ALDH7A1: variants seen among roughly 807,000 people sequenced by gnomAD.
ALDH7A1 encodes alpha-aminoadipic semialdehyde dehydrogenase.
ALDH7A1 carries 63 observed loss-of-function variants against 79.9 expected under a neutral mutation model. The ratio of observed to expected loss-of-function variants is 0.79; its 90% confidence interval spans 0.64 to 0.97. ALDH7A1 has a LOEUF of 0.97. Ranked by LOEUF, ALDH7A1 falls within the 50% of genes least tolerant of loss-of-function variation. ALDH7A1 has a pLI of 0.00. For synonymous variants in ALDH7A1, 240 were observed against 231.2 expected (o/e 1.04, Z -0.34); for missense variants, 627 against 665.2 (o/e 0.94, Z 0.63).
At chr5:126,593,730 C>T in intron 1 of ALDH7A1, 1 of 431,200 alleles carries the variant, frequency 2.3e-6, no homozygotes, top group East Asian at 4.7e-5. Context: ...GTTATTTCTT[C>T]TCTTCCTTAC....
At chr5:126,572,063 GGT>G (rs1561661139) in intron 7 of ALDH7A1, among the ~76,000 whole-genome samples, 2 of 152,198 alleles carry the variant, frequency 1.3e-5, no homozygotes, top group Admixed American at 1.3e-4. Flanking sequence ...AAATAATTCT[GGT>G]TTCTCTGAAA....
chr5:126,565,275 C>T (rs1209942118), intron 9 of ALDH7A1, among the ~76,000 whole-genome samples: 1 of 151,782 alleles, frequency 6.6e-6, no homozygotes, highest in African/African-American at 2.4e-5. Context: ...TGCCTGTAAT[C>T]CCAGCTACTT....
intron 4 of ALDH7A1, among the ~76,000 whole-genome samples, 198 bp from the exon 5 acceptor site, chr5:126,583,172 A>C (rs1751231591): frequency 6.6e-6 from 1 of 152,252 alleles, no homozygotes. Flanking sequence ...TCCTCTAAGG[A>C]AAGAATTTTT....
In ALDH7A1 at chr5:126,592,689, C is replaced by A. The variant is rs765748549; in HGVS notation, c.287G>T (p.Arg96Ile). The stretch of plus-strand genomic sequence containing the variant: ...ATCTGCCCAGATTTTCCATGCTTCT[C>A]TTGCTTTCTTTACAGTTTCTTCATA... ...ADYEETVKKA[R>I]EAWKIWADIP... is the part of the protein sequence containing the mutation. Residue 96 changes from arginine to isoleucine, a missense_variant, in exon 3 of 18, where the codon AGA (arginine) becomes ATA (isoleucine). Arg to Ile is a moderately conservative substitution (Grantham distance 97). Coordinates refer to ENST00000409134, the MANE Select transcript of ALDH7A1 (RefSeq NM_001182.5). The A allele has an allele frequency of 1.2e-6, 2 of 1,614,094 alleles. No individual in the cohort carries two copies. The highest frequency in any genetic ancestry group is 1.7e-5 in the Admixed American group (1 of 60,012).
intron 3 of ALDH7A1, among the ~76,000 whole-genome samples, chr5:126,585,632 G>A (rs766051272): frequency 4.5e-4 from 69 of 152,102 alleles, no homozygotes; most frequent in Non-Finnish European, 8.7e-4. Context: ...CGCGATCTCG[G>A]CTCAGTGCAA....
At chr5:126,552,947 G>A (rs895008865) in intron 13 of ALDH7A1, among the ~76,000 whole-genome samples, 74 of 151,656 alleles carry the variant, frequency 4.9e-4, no homozygotes, top group African/African-American at 1.8e-3. Flanking sequence ...TCACTATGTT[G>A]TCCAGGTGGG....
At position 126,575,591 on chromosome 5, in the gene ALDH7A1, G is replaced by A. The variant is rs1030220044; in HGVS notation, c.651-127C>T. The A allele has an allele frequency of 2.6e-5, 20 of 767,464 alleles. 1 individual carries two copies. In the African/African-American group the frequency reaches 3.0e-4, roughly 12 times the overall value. The allele number at this position is 767,464 out of a possible 1,614,324, so 47.5% of individuals were successfully genotyped here. On this transcript the variant is annotated intron_variant, in intron 6 of 17. Transcript: ENST00000409134. Reference sequence around the variant, plus strand: ...CTGTCCAATTAGACAACTAACAAGTGAGTCTAGTAACTGAAACAGAAATCT... The same window carrying A: ...CTGTCCAATTAGACAACTAACAAGTAAGTCTAGTAACTGAAACAGAAATCT...
chr5:126,565,503 T>C (rs1413216609), intron 9 of ALDH7A1, among the ~76,000 whole-genome samples: 1 of 151,450 alleles, frequency 6.6e-6, no homozygotes, highest in Admixed American at 6.6e-5. Context: ...TTATATATTC[T>C]ACATACAAGT....
At chr5:126,590,180 C>T (rs1183460814) in intron 3 of ALDH7A1, among the ~76,000 whole-genome samples, 8 of 148,860 alleles carry the variant, frequency 5.4e-5, no homozygotes, top group Non-Finnish European at 6.0e-5. Flanking sequence ...AAGTGAAGAG[C>T]GCCTCTGCCC....
rs2112746422 is a variant in ALDH7A1, at chr5:126,546,466, A to G, written c.1490-67T>C. 6 of 1,458,078 alleles carry G rather than the reference A, an allele frequency of 4.1e-6. No homozygotes were observed. In the East Asian group the frequency reaches 6.9e-5, roughly 17 times the overall value. 90.3% of individuals were successfully genotyped at this position (1,458,078 alleles called of 1,614,324 possible). A position where few individuals can be genotyped will look rare whatever the true frequency, so the allele number is the denominator to read the frequency against. ...CCATGTGGGCTCATAGTTGGTATCA[A>G]TGAAAAGAAGATACCAAAAGGACAC... On this transcript the variant is annotated intron_variant, in intron 16 of 17. Coordinates refer to ENST00000409134, the MANE Select transcript of ALDH7A1 (RefSeq NM_001182.5).
Position 126,555,980 on chromosome 5 carries a change from G to T in ALDH7A1, c.1044C>A (p.Asn348Lys), listed in dbSNP as rs1750181623. ...TCTGTGCATAGGCCTTTTTAAGTCT[G>T]TTTACAACCTCATCATGGATGCTTT... ...IHESIHDEVV[N>K]RLKKAYAQIR... Residue 348 changes from asparagine to lysine, a missense_variant, in exon 12 of 18, where the codon AAC (asparagine) becomes AAA (lysine). Transcript: ENST00000409134. The T allele has an allele frequency of 3.7e-6, 6 of 1,613,530 alleles. No homozygotes were observed. Among genetic ancestry groups the T allele is most frequent in the Non-Finnish European group, 5.1e-6 (6 of 1,179,662 alleles).
intron 9 of ALDH7A1, among the ~76,000 whole-genome samples, chr5:126,566,341 C>T (rs1190758843): frequency 1.3e-5 from 2 of 152,160 alleles, no homozygotes; most frequent in Non-Finnish European, 2.9e-5. Flanking sequence ...TTTGACGCTA[C>T]TACAAATTGA....
In ALDH7A1 at chr5:126,549,952, C is replaced by T. The variant is rs1423535503; in HGVS notation, c.1466G>A (p.Gly489Glu). 4.3e-6 allele frequency: 7 copies of T among 1,614,116 alleles called. No homozygotes were observed. The highest frequency in any genetic ancestry group is 8.5e-7 in the Non-Finnish European group (1 of 1,180,018). ...GIVNVNIPTS[G>E]AEIGGAFGGE... Reference sequence around the variant, plus strand: ...ACCAAAGGCACCTCCAATCTCAGCCCCACTTGTTGGAATGTTGACATTTAC... The same window carrying T: ...ACCAAAGGCACCTCCAATCTCAGCCTCACTTGTTGGAATGTTGACATTTAC... The change falls in exon 16 of 18, where the codon GGG (glycine) becomes GAG (glutamate). Residue 489 changes from glycine (G) to glutamate (E), a missense_variant. Physicochemically the swap from Gly to Glu is moderately conservative, Grantham distance 98. Transcript: ENST00000409134.
intron 9 of ALDH7A1, chr5:126,561,761 C>G (rs1374853304): frequency 1.3e-5 from 2 of 152,150 alleles, no homozygotes; most frequent in African/African-American, 4.8e-5. Flanking sequence ...CTGTAGAAAA[C>G]AGTATGGCAA....
intron 3 of ALDH7A1, among the ~76,000 whole-genome samples, chr5:126,590,045 G>A (rs193103581): frequency 7.4e-5 from 9 of 122,236 alleles, no homozygotes; most frequent in Non-Finnish European, 1.1e-4. Context: ...CTGCCGCCCC[G>A]TCTGGAAAGT....
Position 126,561,029 on chromosome 5 carries a change from T to C in ALDH7A1, c.913+54A>G, listed in dbSNP as rs189135095. The C allele has an allele frequency of 1.8e-4, 285 of 1,586,634 alleles. 1 individual carries two copies. Among genetic ancestry groups the C allele is most frequent in the Non-Finnish European group, 7.8e-6 (9 of 1,156,020 alleles). On this transcript the variant is annotated intron_variant, in intron 10 of 17. Coordinates refer to ENST00000409134, the MANE Select transcript of ALDH7A1 (RefSeq NM_001182.5). ...CCAAACAAGTTCCATATATTCAGGA[T>C]GGCGACTGTGGAAACTGAACAGAAA...
intron 11 of ALDH7A1, 102 bp downstream of exon 11, chr5:126,559,138 C>T (rs1308633361): frequency 2.2e-6 from 2 of 912,802 alleles, no homozygotes; most frequent in East Asian, 2.5e-5. Flanking sequence ...ATCTAGAGAG[C>T]ATGTTGTTCT....
intron 2 of ALDH7A1, 31 bp from the exon 3 acceptor site, chr5:126,592,760 G>C (rs773935427): frequency 1.3e-6 from 2 of 1,587,572 alleles, no homozygotes; most frequent in Non-Finnish European, 1.7e-6. Flanking sequence ...ACAGAAAGGG[G>C]GAAATAAAGA....
intron 5 of ALDH7A1, among the ~76,000 whole-genome samples, chr5:126,580,901 C>T (rs549848038): frequency 2.0e-5 from 3 of 151,802 alleles, no homozygotes; most frequent in South Asian, 2.1e-4. Flanking sequence ...CTCGGCTCAC[C>T]GCCACCTCCG....
Sources: gnomAD v4.1 joint callset for allele counts (sites outside exome capture counted in the v4.1 genomes callset) on GRCh38, gnomAD v4.1.1 for gene constraint, MANE v1.5 for transcripts, NCBI Gene and HGNC (gene_info 2026-07-23, HGNC 2026-07-21) for gene names.